The following ADAMTS3 variants were observed in gnomAD, a reference collection of about 807,000 sequenced individuals.
ADAMTS3 encodes A disintegrin and metalloproteinase with thrombospondin motifs 3.
ADAMTS3 carries 73 observed loss-of-function variants against 129.0 expected under a neutral mutation model. That is an observed-to-expected ratio of 0.57 (90% confidence interval 0.47 to 0.69). The LOEUF (loss-of-function observed/expected upper bound fraction) is 0.69, where lower values mean the gene tolerates loss of function less well. ADAMTS3 is among the 30% of genes least tolerant of loss of function. ADAMTS3 has a pLI of 0.00. For synonymous variants in ADAMTS3, 477 were observed against 510.8 expected (o/e 0.93, Z 0.89); for missense variants, 1,457 against 1,514.5 (o/e 0.96, Z 0.63).
intron 9 of ADAMTS3, 132 bp from the exon 10 acceptor site, chr4:72,318,836 A>C: frequency 2.2e-6 from 2 of 912,952 alleles, no homozygotes; most frequent in Non-Finnish European, 3.2e-6. Flanking sequence ...TTGCAAAAAC[A>C]TGTATTTAAG....
intron 2 of ADAMTS3, 65 bp downstream of exon 2, chr4:72,567,309 C>G: frequency 6.7e-7 from 1 of 1,495,244 alleles, no homozygotes; most frequent in Non-Finnish European, 9.3e-7. Context: ...CAATATTTTG[C>G]TTAGCTCACT....
chr4:72,504,250 T>C (rs1342787976), intron 3 of ADAMTS3, among the ~76,000 whole-genome samples: 1 of 152,198 alleles, frequency 6.6e-6, no homozygotes, highest in Non-Finnish European at 1.5e-5. Flanking sequence ...TCAAGATTTA[T>C]TGTAAAGTTG....
chr4:72,499,315 T>C (rs1279867301), intron 3 of ADAMTS3, among the ~76,000 whole-genome samples: 1 of 152,172 alleles, frequency 6.6e-6, no homozygotes, highest in Admixed American at 6.6e-5. Context: ...AACAGCACTG[T>C]ACATGTTTTT....
chr4:72,561,791 T>G (rs1014880606), intron 2 of ADAMTS3, among the ~76,000 whole-genome samples: 1 of 152,228 alleles, frequency 6.6e-6, no homozygotes, highest in Admixed American at 6.5e-5. Flanking sequence ...AAGGTATACC[T>G]TTTCATGCTG....
At chr4:72,335,464 A>G (rs560909341) in intron 5 of ADAMTS3, among the ~76,000 whole-genome samples, 2 of 152,300 alleles carry the variant, frequency 1.3e-5, no homozygotes, top group East Asian at 3.9e-4. Flanking sequence ...ATTACTAGTG[A>G]CATATAACAG....
At chr4:72,358,641 A>G (rs752847318) in intron 4 of ADAMTS3, among the ~76,000 whole-genome samples, 94 of 152,012 alleles carry the variant, frequency 6.2e-4, no homozygotes, top group Non-Finnish European at 1.1e-3. Flanking sequence ...TTTATCTGCC[A>G]TCTAGATTTC....
At chr4:72,401,566 C>CAAAAAAAAAAA (rs374322807) in intron 4 of ADAMTS3, among the ~76,000 whole-genome samples, 1 of 37,060 alleles carries the variant, frequency 2.7e-5, no homozygotes, top group African/African-American at 1.1e-4. Context: ...TACTCTGTCT[C>CAAAAAAAAAAA]AAAAAAAAAA....
intron 4 of ADAMTS3, among the ~76,000 whole-genome samples, chr4:72,383,044 A>C (rs963207897): frequency 2.0e-5 from 3 of 152,206 alleles, no homozygotes; most frequent in African/African-American, 7.2e-5. Context: ...CACATAAATA[A>C]AAAATTTAAA....
At chr4:72,320,126 A>G (rs1403279232) in intron 7 of ADAMTS3, among the ~76,000 whole-genome samples, 163 bp from the exon 8 acceptor site, 6 of 152,190 alleles carry the variant, frequency 3.9e-5, no homozygotes, top group Non-Finnish European at 7.3e-5. Flanking sequence ...GGAAAGCCAC[A>G]GGTAATGTTC....
At chr4:72,431,431 A>C (rs1722695896) in intron 3 of ADAMTS3, among the ~76,000 whole-genome samples, 1 of 152,022 alleles carries the variant, frequency 6.6e-6, no homozygotes, top group South Asian at 2.1e-4. Flanking sequence ...CTCTAAAATC[A>C]AAACTTTTTG....
intron 3 of ADAMTS3, among the ~76,000 whole-genome samples, chr4:72,479,637 A>G (rs1333361126): frequency 7.2e-5 from 11 of 152,202 alleles, no homozygotes; most frequent in African/African-American, 2.7e-4. Flanking sequence ...GGCATGGGCA[A>G]GGACTTCATG....
At chr4:72,428,233 T>G (rs1722617281) in intron 3 of ADAMTS3, among the ~76,000 whole-genome samples, 1 of 152,038 alleles carries the variant, frequency 6.6e-6, no homozygotes, top group African/African-American at 2.4e-5. Flanking sequence ...TCTAGTAAAA[T>G]GCTTTTCGTA....
At chr4:72,466,774 G>T (rs1416298302) in intron 3 of ADAMTS3, among the ~76,000 whole-genome samples, 1 of 151,542 alleles carries the variant, frequency 6.6e-6, no homozygotes, top group East Asian at 1.9e-4. Flanking sequence ...TATACTCATC[G>T]CTTCAACTGT....
At chr4:72,452,707 T>C (rs1245543257) in intron 3 of ADAMTS3, among the ~76,000 whole-genome samples, 1 of 151,768 alleles carries the variant, frequency 6.6e-6, no homozygotes, top group African/African-American at 2.4e-5. Context: ...GATTCTGCAG[T>C]ATGGCTGGTC....
chr4:72,343,362 C>A (rs1262323533), intron 4 of ADAMTS3, among the ~76,000 whole-genome samples: 1 of 152,124 alleles, frequency 6.6e-6, no homozygotes, highest in Non-Finnish European at 1.5e-5. Flanking sequence ...TCTATGTCTG[C>A]CGCTCAATTT....
At chr4:72,500,865 A>AG (rs1719999696) in intron 3 of ADAMTS3, among the ~76,000 whole-genome samples, 1 of 152,136 alleles carries the variant, frequency 6.6e-6, no homozygotes, top group Non-Finnish European at 1.5e-5. Flanking sequence ...TTTATTAAAT[A>AG]GGGGGTCCTT....
intron 3 of ADAMTS3, among the ~76,000 whole-genome samples, chr4:72,482,907 T>C (rs781542818): frequency 2.6e-4 from 40 of 152,122 alleles, no homozygotes; most frequent in Non-Finnish European, 4.0e-4. Context: ...AAAAAACCCA[T>C]GACCATCTCA....
At chr4:72,522,420 A>ACAT (rs1720698283) in intron 3 of ADAMTS3, among the ~76,000 whole-genome samples, 1 of 152,156 alleles carries the variant, frequency 6.6e-6, no homozygotes, top group African/African-American at 2.4e-5. Context: ...AGCACCCACT[A>ACAT]CATCATCCTG....
chr4:72,467,364 A>T (rs1010906152), intron 3 of ADAMTS3, among the ~76,000 whole-genome samples: 3 of 152,022 alleles, frequency 2.0e-5, no homozygotes, highest in African/African-American at 7.2e-5. Context: ...AGTATCTTCC[A>T]ACTTCTCTAA....
Sources: gnomAD v4.1 joint callset for allele counts (sites outside exome capture counted in the v4.1 genomes callset) on GRCh38, gnomAD v4.1.1 for gene constraint, MANE v1.5 for transcripts, NCBI Gene and HGNC (gene_info 2026-07-23, HGNC 2026-07-21) for gene names.